The following ZBTB20 variants were observed in gnomAD, a reference collection of about 807,000 sequenced individuals.
ZBTB20 encodes the protein zinc finger and BTB domain containing 20, also known as zinc finger and BTB domain-containing protein 20.
ZBTB20 carries 9 observed loss-of-function variants against 56.9 expected under a neutral mutation model. That is an observed-to-expected ratio of 0.16 (90% CI 0.10 to 0.28). ZBTB20 has a LOEUF of 0.28. ZBTB20 is among the 10% of genes least tolerant of loss of function. ZBTB20 has a pLI of 1.00. For missense variants in ZBTB20, 655 were observed against 1,003.0 expected, an observed-to-expected ratio of 0.65 and a Z score of 4.69; for synonymous variants, 417 against 420.7, an observed-to-expected ratio of 0.99 and a Z score of 0.11.
intron 6 of ZBTB20, among the ~76,000 whole-genome samples, chr3:114,515,530 T>C (rs1319456514): frequency 6.6e-6 from 1 of 152,224 alleles, no homozygotes; most frequent in Middle Eastern, 3.2e-3. Context: ...TTTTAAAATT[T>C]GCTCCTAGTC....
chr3:114,810,373 T>G (rs1010002507), intron 4 of ZBTB20, among the ~76,000 whole-genome samples: 1 of 152,174 alleles, frequency 6.6e-6, no homozygotes, highest in Non-Finnish European at 1.5e-5. Context: ...TTATTCTCCC[T>G]GCTTGTTTGC....
At chr3:114,674,768 T>C (rs1262944921) in intron 6 of ZBTB20, among the ~76,000 whole-genome samples, 1 of 152,072 alleles carries the variant, frequency 6.6e-6, no homozygotes, top group African/African-American at 2.4e-5. Context: ...AAATATCTTT[T>C]GATTTAGATA....
intron 6 of ZBTB20, among the ~76,000 whole-genome samples, chr3:114,544,904 A>G (rs1220360496): frequency 6.6e-6 from 1 of 152,240 alleles, no homozygotes; most frequent in African/African-American, 2.4e-5. Flanking sequence ...AACATGGAAG[A>G]TAGTATGTCT....
chr3:114,610,668 C>G (rs2057480737), intron 6 of ZBTB20, among the ~76,000 whole-genome samples: 1 of 152,102 alleles, frequency 6.6e-6, no homozygotes, highest in Non-Finnish European at 1.5e-5. Context: ...AAAGGGTTGT[C>G]CCTATTCAAC....
At position 114,648,996 on chromosome 3, in the gene ZBTB20, G is replaced by A. The variant is rs975432554; in HGVS notation, c.-295+44532C>T. On this transcript the variant is annotated intron_variant, in intron 6 of 11. Coordinates refer to ENST00000675478, the MANE Select transcript of ZBTB20 (RefSeq NM_001348800.3). ...TACGTTACTAAATAAAATGATCCTC[G>A]TTGTATTTGAAGTAGCTCACCATTT... Among the ~76,000 whole-genome samples, 13 of 152,040 alleles carry A rather than the reference G, an allele frequency of 8.6e-5. No homozygotes were observed. The South Asian group carries it at 2.1e-3, about 24-fold the overall frequency.
chr3:114,810,603 G>A (rs2072449810), intron 4 of ZBTB20, among the ~76,000 whole-genome samples: 1 of 152,178 alleles, frequency 6.6e-6, no homozygotes, highest in Non-Finnish European at 1.5e-5. Flanking sequence ...TGTGCTAGTT[G>A]TCCCAACATA....
At chr3:114,804,470 T>C (rs2071951922) in intron 4 of ZBTB20, among the ~76,000 whole-genome samples, 2 of 151,984 alleles carry the variant, frequency 1.3e-5, no homozygotes, top group Non-Finnish European at 2.9e-5. Context: ...GACTGTATCT[T>C]GCTCAGATTG....
chr3:114,594,550 A>T (rs1046459173), intron 6 of ZBTB20, among the ~76,000 whole-genome samples: 1 of 152,130 alleles, frequency 6.6e-6, no homozygotes, highest in African/African-American at 2.4e-5. Context: ...TATATTCTGC[A>T]GGCTAATTCT....
At chr3:114,503,534 T>A (rs2044250379) in intron 6 of ZBTB20, among the ~76,000 whole-genome samples, 1 of 152,244 alleles carries the variant, frequency 6.6e-6, no homozygotes, top group Admixed American at 6.5e-5. Flanking sequence ...CTAAGTGATA[T>A]TCACCTTATA....
At chr3:115,000,620 T>A (rs2079207576) in intron 2 of ZBTB20, among the ~76,000 whole-genome samples, 1 of 151,618 alleles carries the variant, frequency 6.6e-6, no homozygotes, top group Non-Finnish European at 1.5e-5. Flanking sequence ...AGTATCCATG[T>A]TGTGGACAAG....
At chr3:114,606,185 C>G (rs1441634335) in intron 6 of ZBTB20, among the ~76,000 whole-genome samples, 1 of 152,190 alleles carries the variant, frequency 6.6e-6, no homozygotes, top group Non-Finnish European at 1.5e-5. Flanking sequence ...TATCTAATCT[C>G]TTTTGTTGTC....
intron 6 of ZBTB20, among the ~76,000 whole-genome samples, chr3:114,676,272 G>A (rs2061620348): frequency 6.6e-6 from 1 of 152,158 alleles, no homozygotes; most frequent in South Asian, 2.1e-4. Flanking sequence ...AGGCTCTGGA[G>A]TCTAATATGA....
At chr3:115,138,070 T>C (rs1163610448) in intron 1 of ZBTB20, among the ~76,000 whole-genome samples, 1 of 152,092 alleles carries the variant, frequency 6.6e-6, no homozygotes, top group Admixed American at 6.6e-5. Context: ...ACAAAAGCCT[T>C]CCAAAGTCAT....
At chr3:114,944,366 C>T (rs985007362) in intron 3 of ZBTB20, among the ~76,000 whole-genome samples, 1 of 145,638 alleles carries the variant, frequency 6.9e-6, no homozygotes, top group Non-Finnish European at 1.5e-5. Context: ...ATGAAACTCT[C>T]ATACACTGTT....
In ZBTB20 at chr3:114,689,607, A is replaced by G. The variant is rs181643457; in HGVS notation, c.-295+3921T>C. Among the ~76,000 whole-genome samples, 355 of 152,288 alleles carry G rather than the reference A, an allele frequency of 2.3e-3. 2 individuals are homozygous for G. The highest frequency in any genetic ancestry group is 8.3e-3 in the African/African-American group (345 of 41,530). On this transcript the variant is annotated intron_variant, in intron 6 of 11. Transcript: ENST00000675478. ...GCAAGAGAAAAAGGTGTACGCGTAC[A>G]TACACCAAGAAGCAAATGCTATCAT...
At chr3:114,952,789 G>A (rs1295771793) in intron 3 of ZBTB20, among the ~76,000 whole-genome samples, 1 of 151,990 alleles carries the variant, frequency 6.6e-6, no homozygotes, top group East Asian at 1.9e-4. Context: ...AGGTCTGAGA[G>A]AGCACAGAGA....
At chr3:114,356,158 A>G (rs1196688632) in intron 10 of ZBTB20, 11 of 152,204 alleles carry the variant, frequency 7.2e-5, no homozygotes, top group Admixed American at 7.2e-4. Context: ...GCGAGAGCAC[A>G]ACACAGACGG....
At chr3:115,102,563 C>T (rs936508547) in intron 1 of ZBTB20, 1 of 151,390 alleles carries the variant, frequency 6.6e-6, no homozygotes, top group East Asian at 1.9e-4. Flanking sequence ...AAGGAGAAGA[C>T]GTATTTGGTT....
At chr3:114,669,677 T>C (rs1397178305) in intron 6 of ZBTB20, among the ~76,000 whole-genome samples, 1 of 152,016 alleles carries the variant, frequency 6.6e-6, no homozygotes, top group Non-Finnish European at 1.5e-5. Flanking sequence ...AAGTCATTTT[T>C]TCTAGGACCA....
Sources: allele counts gnomAD v4.1 joint callset (sites outside exome capture counted in the v4.1 genomes callset), GRCh38; gene constraint gnomAD v4.1.1; transcripts MANE v1.5; gene names NCBI Gene and HGNC (gene_info 2026-07-23, HGNC 2026-07-21).